Variants in CRTC3 observed in about 807,000 individuals in gnomAD.
The protein encoded by CRTC3 is CREB-regulated transcription coactivator 3.
CRTC3 carries 26 observed loss-of-function variants against 74.5 expected under a neutral mutation model. That is an observed-to-expected ratio of 0.35 (90% CI 0.26 to 0.48). The LOEUF is 0.48. CRTC3 is among the 20% of genes least tolerant of loss of function. CRTC3 has a pLI of 0.99. For synonymous variants in CRTC3, 377 were observed against 325.8 expected (o/e 1.16, Z -1.69); for missense variants, 760 against 787.3 (o/e 0.97, Z 0.41).
chr15:90,530,144 A>G lies in CRTC3; in HGVS notation c.73A>G (p.Arg25Gly). Residue 25 changes from arginine (R) to glycine (G), a missense_variant, in exon 1 of 15, where the codon AGA (arginine) becomes GGA (glycine). By Grantham distance (125) the Arg-to-Gly change is moderately radical. Transcript: ENST00000268184. This position sits in a 1 kb window ranked among gnomAD's most constrained non-coding sequence, Gnocchi z 6.2. ...FSEKIALHTQRQAEETRAFEQ... is the reference protein window; with the variant it reads ...FSEKIALHTQGQAEETRAFEQ... ...TGAGAAGATCGCGCTGCACACGCAGAGACAGGCCGAGGAGACGCGGGCCTT... is the reference window on the plus strand; with the variant it reads ...TGAGAAGATCGCGCTGCACACGCAGGGACAGGCCGAGGAGACGCGGGCCTT... 1 of 1,451,736 alleles carries G rather than the reference A, an allele frequency of 6.9e-7. No homozygotes were observed. Among genetic ancestry groups the G allele is most frequent in the South Asian group, 1.2e-5 (1 of 81,790 alleles). 89.9% of individuals were successfully genotyped at this position (1,451,736 alleles called of 1,614,324 possible).
At position 90,598,517 on chromosome 15, in the gene CRTC3, C is replaced by T. The variant is rs757309767; in HGVS notation, c.352-3807C>T. On this transcript the variant is annotated intron_variant, in intron 3 of 14. Coordinates refer to ENST00000268184, the MANE Select transcript of CRTC3 (RefSeq NM_022769.5). ...TAACTCGAGGAGGAAGATTTTCCTG[C>T]ACAGAACTGCAGAGGCTTGGGGAGA... 5.7e-6 allele frequency: 4 copies of T among 702,502 alleles called. No individual in the cohort carries two copies. In the African/African-American group the frequency reaches 7.0e-5, roughly 12 times the overall value. The allele number at this position is 702,502 out of a possible 1,614,324, so 43.5% of individuals were successfully genotyped here.
intron 4 of CRTC3, chr15:90,604,090 G>A (rs865798378): frequency 7.6e-5 from 19 of 249,056 alleles, no homozygotes; most frequent in Non-Finnish European, 1.3e-4. Flanking sequence ...AGATTGCCAC[G>A]GCGCCCCCTA....
chr15:90,546,470 C>A (rs949855152), intron 2 of CRTC3, among the ~76,000 whole-genome samples: 1 of 152,156 alleles, frequency 6.6e-6, no homozygotes, highest in Non-Finnish European at 1.5e-5. Flanking sequence ...ACCACACTGT[C>A]TTGATTACTG....
At chr15:90,545,794 G>T (rs181538254) in intron 2 of CRTC3, among the ~76,000 whole-genome samples, 1 of 151,990 alleles carries the variant, frequency 6.6e-6, no homozygotes, top group South Asian at 2.1e-4. Context: ...TAGCCAGGAT[G>T]GTCTCCATCT....
In CRTC3 at chr15:90,600,816, C is replaced by A. The variant is rs138717027; in HGVS notation, c.352-1508C>A. 2.6e-5 allele frequency among the ~76,000 whole-genome samples: 4 copies of A among 152,280 alleles called. No individual in the cohort carries two copies. The East Asian group carries it at 7.7e-4, about 29-fold the overall frequency. The stretch of plus-strand genomic sequence containing the variant: ...TTGGGATGAAAAGTATTATTGGTAA[C>A]TGCCGAATGTATATTTAATCCAATC... On this transcript the variant is annotated intron_variant, in intron 3 of 14. Transcript: ENST00000268184.
intron 2 of CRTC3, among the ~76,000 whole-genome samples, chr15:90,590,856 T>G (rs532681351): frequency 6.6e-6 from 1 of 152,338 alleles, no homozygotes; most frequent in Admixed American, 6.5e-5. Context: ...AAGCAGAGAT[T>G]AACACCCCAC....
At chr15:90,630,443 C>T (rs1968995192) in intron 11 of CRTC3, among the ~76,000 whole-genome samples, 2 of 152,110 alleles carry the variant, frequency 1.3e-5, no homozygotes. Flanking sequence ...AAAAGTCACC[C>T]ACCCATACAA....
intron 3 of CRTC3, among the ~76,000 whole-genome samples, chr15:90,601,371 C>T (rs9652518): frequency 0.2 from 31,051 of 152,096 alleles, 3,224 homozygotes; most frequent in Middle Eastern, 0.24. Context: ...CAGGAACCGC[C>T]GGGCGCAGTG....
intron 4 of CRTC3, among the ~76,000 whole-genome samples, chr15:90,603,214 C>T (rs1009818052): frequency 1.8e-4 from 27 of 151,778 alleles, no homozygotes; most frequent in South Asian, 4.2e-4. Context: ...GAGGCCAAGG[C>T]GGGCAGATCA....
intron 2 of CRTC3, among the ~76,000 whole-genome samples, chr15:90,571,295 A>C (rs1264239038): frequency 6.6e-6 from 1 of 152,144 alleles, no homozygotes; most frequent in Non-Finnish European, 1.5e-5. Context: ...GCCTAACCCA[A>C]ACGGGTTGGG....
chr15:90,628,907 T>C (rs911601624), intron 10 of CRTC3, among the ~76,000 whole-genome samples: 1 of 152,160 alleles, frequency 6.6e-6, no homozygotes, highest in East Asian at 1.9e-4. Flanking sequence ...CCTAGGGTCC[T>C]TTCCCTGGGT....
chr15:90,564,519 A>G (rs1967080956), intron 2 of CRTC3, among the ~76,000 whole-genome samples: 1 of 152,042 alleles, frequency 6.6e-6, no homozygotes, highest in Admixed American at 6.5e-5. Flanking sequence ...TGTGGAACTT[A>G]TCATCCCCGC....
At chr15:90,567,941 C>A (rs1031647251) in intron 2 of CRTC3, among the ~76,000 whole-genome samples, 1 of 152,184 alleles carries the variant, frequency 6.6e-6, no homozygotes, top group Non-Finnish European at 1.5e-5. Flanking sequence ...ACAAAGCATA[C>A]TGAAAACCTT....
chr15:90,536,464 C>A (rs868492083), intron 1 of CRTC3, among the ~76,000 whole-genome samples: 4 of 148,016 alleles, frequency 2.7e-5, no homozygotes, highest in South Asian at 4.3e-4. Context: ...CACTGCACTC[C>A]AGCCTGGGCA....
At position 90,644,341 on chromosome 15, in the gene CRTC3, CTGA is replaced by C. The variant is rs2151101170; in HGVS notation, c.*2204_*2206del. ...ATCTCACTCTCAACAGGCGATGGTGCTGATGTTTCAAGAATTGTGTTTTTATAA... is the reference window on the plus strand; with the variant it reads ...ATCTCACTCTCAACAGGCGATGGTGCTGTTTCAAGAATTGTGTTTTTATAA... On this transcript the variant is annotated 3_prime_UTR_variant, in exon 15 of 15. Coordinates refer to ENST00000268184, the MANE Select transcript of CRTC3 (RefSeq NM_022769.5). 4.3e-6 allele frequency: 1 copy of C among 230,372 alleles called. No homozygotes were observed. The allele number at this position is 230,372 out of a possible 1,614,324, so 14.3% of individuals were successfully genotyped here. A position where few individuals can be genotyped will look rare whatever the true frequency, so the allele number is the denominator to read the frequency against.
At chr15:90,579,029 A>T (rs181942186) in intron 2 of CRTC3, among the ~76,000 whole-genome samples, 1 of 152,134 alleles carries the variant, frequency 6.6e-6, no homozygotes, top group African/African-American at 2.4e-5. Context: ...TTGGTTTTGC[A>T]TATGTAGATT....
intron 2 of CRTC3, among the ~76,000 whole-genome samples, chr15:90,590,575 A>G: frequency 6.6e-6 from 1 of 152,050 alleles, no homozygotes; most frequent in Non-Finnish European, 1.5e-5. Context: ...GCCCAGGCAG[A>G]TCTCAAATTC....
At chr15:90,546,190 T>G (rs1388866882) in intron 2 of CRTC3, among the ~76,000 whole-genome samples, 1 of 152,212 alleles carries the variant, frequency 6.6e-6, no homozygotes, top group Non-Finnish European at 1.5e-5. Flanking sequence ...TCTTTTACAC[T>G]TAAGTAAATT....
intron 2 of CRTC3, among the ~76,000 whole-genome samples, chr15:90,587,531 A>C (rs1231184676): frequency 6.6e-6 from 1 of 152,220 alleles, no homozygotes; most frequent in Non-Finnish European, 1.5e-5. Flanking sequence ...GAAACAGTAG[A>C]GTGCTTTTCA....
Sources: allele counts gnomAD v4.1 joint callset (sites outside exome capture counted in the v4.1 genomes callset), GRCh38; gene constraint gnomAD v4.1.1; non-coding constraint Gnocchi (gnomAD v3.1); transcripts MANE v1.5; gene names NCBI Gene and HGNC (gene_info 2026-07-23, HGNC 2026-07-21).